XPR1: variants seen among roughly 807,000 people sequenced by gnomAD.
XPR1 encodes solute carrier family 53 member 1.
Under a neutral mutation model 87.5 loss-of-function variants are expected in XPR1, and 28 were observed. The ratio of observed to expected loss-of-function variants is 0.32; its 90% CI spans 0.24 to 0.44. The LOEUF is 0.44. Ranked by LOEUF, XPR1 falls within the 20% of genes least tolerant of loss-of-function variation. The probability of loss-of-function intolerance (pLI) is 1.00; values close to 1 mark genes in which losing one functional copy is unlikely to be tolerated. For synonymous variants in XPR1, 300 were observed against 306.1 expected, an observed-to-expected ratio of 0.98 and a Z score of 0.21; for missense variants, 559 against 862.3, an observed-to-expected ratio of 0.65 and a Z score of 4.41.
intron 1 of XPR1, among the ~76,000 whole-genome samples, chr1:180,678,668 T>G (rs1262558697): frequency 6.6e-6 from 1 of 152,212 alleles, no homozygotes; most frequent in Non-Finnish European, 1.5e-5. Flanking sequence ...TGAACAAAAA[T>G]ACATCAATTT....
intron 2 of XPR1, among the ~76,000 whole-genome samples, chr1:180,767,188 G>A (rs966195921): frequency 1.3e-5 from 2 of 152,162 alleles, no homozygotes; most frequent in Non-Finnish European, 2.9e-5. Flanking sequence ...CAGTAAGAAA[G>A]AAGTTTTTGT....
chr1:180,807,987 ACT>A (rs1571857239), intron 6 of XPR1, among the ~76,000 whole-genome samples: 1 of 152,212 alleles, frequency 6.6e-6, no homozygotes, highest in East Asian at 1.9e-4. Context: ...ACAGAGCAAG[ACT>A]CTGTCTCCAA....
intron 1 of XPR1, among the ~76,000 whole-genome samples, chr1:180,667,380 G>C (rs1420279342): frequency 6.6e-6 from 1 of 151,880 alleles, no homozygotes; most frequent in Non-Finnish European, 1.5e-5. Flanking sequence ...TGTTAATGTG[G>C]TGTATTACAT....
chr1:180,730,560 T>C (rs902912885), intron 2 of XPR1, among the ~76,000 whole-genome samples: 1 of 152,218 alleles, frequency 6.6e-6, no homozygotes, highest in Non-Finnish European at 1.5e-5. Context: ...TTCCACCATT[T>C]CCTGAATGTG....
intron 2 of XPR1, among the ~76,000 whole-genome samples, chr1:180,704,966 T>A (rs1404654768): frequency 1.3e-5 from 2 of 151,340 alleles, no homozygotes; most frequent in Non-Finnish European, 2.9e-5. Flanking sequence ...AATGCATGCA[T>A]ATATACACTC....
At chr1:180,724,378 T>TG (rs1321834311) in intron 2 of XPR1, among the ~76,000 whole-genome samples, 5 of 152,084 alleles carry the variant, frequency 3.3e-5, no homozygotes, top group African/African-American at 1.2e-4. Flanking sequence ...GGAGAAAAAA[T>TG]GAGTATAATA....
chr1:180,879,557 T>G (rs747297922), intron 13 of XPR1, among the ~76,000 whole-genome samples: 1 of 149,394 alleles, frequency 6.7e-6, no homozygotes, highest in African/African-American at 2.6e-5. Flanking sequence ...CCTCCAGGAT[T>G]TTTACATGAC....
At chr1:180,636,495 G>C (rs183007597) in intron 1 of XPR1, among the ~76,000 whole-genome samples, 1 of 152,264 alleles carries the variant, frequency 6.6e-6, no homozygotes, top group Admixed American at 6.5e-5. Flanking sequence ...GAGTATGCTG[G>C]AAAGATTATA....
intron 13 of XPR1, 60 bp from the exon 14 acceptor site, chr1:180,880,016 A>G: frequency 6.4e-7 from 1 of 1,573,874 alleles, no homozygotes; most frequent in South Asian, 1.1e-5. Flanking sequence ...TGGGAGGTTT[A>G]CAGGTAGCAG....
chr1:180,808,557 A>G (rs1330869156), intron 6 of XPR1, among the ~76,000 whole-genome samples: 1 of 152,210 alleles, frequency 6.6e-6, no homozygotes, highest in Admixed American at 6.5e-5. Flanking sequence ...CATATCTGTT[A>G]AAGGTCTTAT....
intron 7 of XPR1, among the ~76,000 whole-genome samples, chr1:180,817,296 A>C (rs1206600804): frequency 6.6e-6 from 1 of 152,110 alleles, no homozygotes. Context: ...TTATTGAAGA[A>C]AGAAAAAAAT....
chr1:180,835,203 T>C (rs532192476), intron 10 of XPR1, among the ~76,000 whole-genome samples, 158 bp downstream of exon 10: 31 of 152,382 alleles, frequency 2.0e-4, no homozygotes, highest in South Asian at 1.0e-3. Flanking sequence ...AGTCTCCTTA[T>C]CTGATATAAT....
chr1:180,778,547 G>A (rs535591724), intron 2 of XPR1, among the ~76,000 whole-genome samples: 1 of 152,072 alleles, frequency 6.6e-6, no homozygotes, highest in Non-Finnish European at 1.5e-5. Context: ...TTGCTGTCCT[G>A]GAAATTGTAG....
chr1:180,725,710 A>G (rs1658315582), intron 2 of XPR1, among the ~76,000 whole-genome samples: 1 of 152,220 alleles, frequency 6.6e-6, no homozygotes, highest in Non-Finnish European at 1.5e-5. Context: ...TCTCATTTTA[A>G]CACTTTTGTT....
At chr1:180,773,548 G>T (rs1215245186) in intron 2 of XPR1, among the ~76,000 whole-genome samples, 1 of 152,140 alleles carries the variant, frequency 6.6e-6, no homozygotes, top group Admixed American at 6.5e-5. Context: ...GACTTAAAAT[G>T]TAAAATTGTA....
chr1:180,882,816 A>C (rs1036534422), intron 14 of XPR1, among the ~76,000 whole-genome samples: 1 of 151,690 alleles, frequency 6.6e-6, no homozygotes, highest in African/African-American at 2.4e-5. Context: ...TATGTTGTCA[A>C]CTCTTTGAAG....
chr1:180,664,079 A>T (rs939212265), intron 1 of XPR1, among the ~76,000 whole-genome samples: 2 of 152,142 alleles, frequency 1.3e-5, no homozygotes, highest in African/African-American at 4.8e-5. Flanking sequence ...GCTGTCTAAG[A>T]GCCAAGACTT....
At chr1:180,731,506 T>C (rs1380767726) in intron 2 of XPR1, among the ~76,000 whole-genome samples, 6 of 152,294 alleles carry the variant, frequency 3.9e-5, no homozygotes, top group Admixed American at 2.6e-4. Flanking sequence ...ATACCTTTTT[T>C]TGAGAGACCT....
chr1:180,660,918 T>C (rs1412955946), intron 1 of XPR1, among the ~76,000 whole-genome samples: 1 of 152,160 alleles, frequency 6.6e-6, no homozygotes, highest in Non-Finnish European at 1.5e-5. Context: ...TCTGTCTTGA[T>C]CATCTGTCCA....
Sources: gnomAD v4.1 joint callset for allele counts (sites outside exome capture counted in the v4.1 genomes callset) on GRCh38, gnomAD v4.1.1 for gene constraint, MANE v1.5 for transcripts, NCBI Gene and HGNC (gene_info 2026-07-23, HGNC 2026-07-21) for gene names.